SGK3: variants seen among roughly 807,000 people sequenced by gnomAD.
The protein encoded by SGK3 is serine/threonine-protein kinase Sgk3.
SGK3 carries 47 observed loss-of-function variants against 68.5 expected under a neutral mutation model. That is an observed-to-expected ratio of 0.69 (90% CI 0.54 to 0.87). SGK3 has a LOEUF of 0.87. SGK3 is among the 40% of genes least tolerant of loss of function. The pLI, the probability that SGK3 is intolerant of heterozygous loss-of-function variation, is 0.00. For synonymous variants in SGK3, 181 were observed against 189.1 expected (o/e 0.96, Z 0.35); for missense variants, 479 against 575.5 (o/e 0.83, Z 1.72).
chr8:66,767,960 T>C (rs758658220), intron 1 of SGK3: 1 of 893,758 alleles, frequency 1.1e-6, no homozygotes, highest in East Asian at 2.4e-5. Context: ...GCCACAAGGA[T>C]GCCTGGTTCT....
At chr8:66,737,468 A>G (rs185384556) in intron 1 of SGK3, 2 of 151,960 alleles carry the variant, frequency 1.3e-5, no homozygotes, top group Non-Finnish European at 2.9e-5. Flanking sequence ...CCAACATTGA[A>G]CCTCAGGTAT....
intron 16 of SGK3, among the ~76,000 whole-genome samples, chr8:66,856,099 G>T (rs1177391538): frequency 2.7e-5 from 4 of 148,514 alleles, no homozygotes; most frequent in Admixed American, 6.8e-5. Context: ...ATGGAATCTT[G>T]CTCTGTCACC....
chr8:66,716,251 C>T (rs1004568985), intron 1 of SGK3, among the ~76,000 whole-genome samples: 6 of 152,126 alleles, frequency 3.9e-5, no homozygotes, highest in South Asian at 2.1e-4. Context: ...GTGCTACTTC[C>T]GCATCTTGTA....
intron 1 of SGK3, among the ~76,000 whole-genome samples, chr8:66,728,779 G>T (rs1369938641): frequency 6.6e-6 from 1 of 152,102 alleles, no homozygotes; most frequent in Non-Finnish European, 1.5e-5. Context: ...AAATAGCTGG[G>T]TGTGGTGGTG....
chr8:66,767,516 G>T (rs1379691292), intron 1 of SGK3: 2 of 1,512,534 alleles, frequency 1.3e-6, no homozygotes, highest in Admixed American at 3.4e-5. Context: ...AAAGGTGAAG[G>T]GGGGCCCAGC....
At chr8:66,734,234 T>C (rs529038313) in intron 1 of SGK3, among the ~76,000 whole-genome samples, 3,910 of 148,682 alleles carry the variant, frequency 0.026, 160 homozygotes, top group African/African-American at 0.09. Context: ...CTTTCTTTTT[T>C]TTTTTTTTTT....
At chr8:66,802,722 CGAAG>C (rs1266401929) in intron 3 of SGK3, among the ~76,000 whole-genome samples, 25 of 136,906 alleles carry the variant, frequency 1.8e-4, no homozygotes, top group African/African-American at 5.2e-4. Flanking sequence ...GGGGAGGGGG[CGAAG>C]GAAGGAAGGA....
intron 10 of SGK3, among the ~76,000 whole-genome samples, chr8:66,838,492 C>T (rs1267862556): frequency 6.6e-6 from 1 of 152,176 alleles, no homozygotes; most frequent in African/African-American, 2.4e-5. Flanking sequence ...AGAGCCCATT[C>T]TTAAGTGCCA....
chr8:66,747,086 CA>C (rs541508864), intron 1 of SGK3, among the ~76,000 whole-genome samples: 88 of 151,398 alleles, frequency 5.8e-4, no homozygotes, highest in African/African-American at 2.0e-3. Flanking sequence ...TTTTTTTCCC[CA>C]TGGTAATTTT....
chr8:66,734,878 T>C (rs1329477474), intron 1 of SGK3, among the ~76,000 whole-genome samples: 2 of 145,422 alleles, frequency 1.4e-5, no homozygotes, highest in East Asian at 2.0e-4. Context: ...ACCCAGGAGG[T>C]GGAGGTTGCA....
At chr8:66,723,092 T>TATATATATAG (rs1804848146) in intron 1 of SGK3, among the ~76,000 whole-genome samples, 1 of 19,206 alleles carries the variant, frequency 5.2e-5, no homozygotes, top group Non-Finnish European at 9.0e-5. Context: ...ATTTTGTTCA[T>TATATATATAG]ATATATATAT....
intron 1 of SGK3, among the ~76,000 whole-genome samples, chr8:66,768,201 T>A (rs1806387789): frequency 6.6e-6 from 1 of 152,228 alleles, no homozygotes; most frequent in African/African-American, 2.4e-5. Flanking sequence ...ACATTAGATA[T>A]AAACCCACCA....
chr8:66,765,238 G>T (rs910763442), intron 1 of SGK3, among the ~76,000 whole-genome samples: 1 of 152,120 alleles, frequency 6.6e-6, no homozygotes, highest in Admixed American at 6.5e-5. Flanking sequence ...TCACTTTTTT[G>T]ATTATTGCCA....
chr8:66,737,608 C>T (rs1479954872), intron 1 of SGK3: 1 of 152,460 alleles, frequency 6.6e-6, no homozygotes, highest in African/African-American at 2.4e-5. Flanking sequence ...CGGACCCAGA[C>T]CCCTTTATCT....
Position 66,804,418 on chromosome 8 carries a change from A to G in SGK3, c.224A>G (p.Lys75Arg), listed in dbSNP as rs1362430508. Residue 75 changes from lysine (K) to arginine (R), a missense_variant, in exon 4 of 17, where the codon AAG (lysine) becomes AGG (arginine). Transcript: ENST00000521198. ...FPAMALKIPA[K>R]RIFGDNFDPD... ...GCTATGGCCCTGAAGATTCCTGCCA[A>G]GAGAATATTTGGTGATAATTTTGAT... The G allele has an allele frequency of 2.5e-6, 4 of 1,612,562 alleles. No homozygotes were observed. Among genetic ancestry groups the G allele is most frequent in the Non-Finnish European group, 3.4e-6 (4 of 1,179,548 alleles).
chr8:66,843,159 T>A (rs970829619), intron 13 of SGK3, among the ~76,000 whole-genome samples: 3 of 152,176 alleles, frequency 2.0e-5, no homozygotes, highest in African/African-American at 4.8e-5. Context: ...TCCCCACAAA[T>A]ACCTACATCA....
chr8:66,718,890 G>A (rs1804720377), intron 1 of SGK3, among the ~76,000 whole-genome samples: 2 of 151,996 alleles, frequency 1.3e-5, no homozygotes, highest in African/African-American at 4.8e-5. Context: ...TTAGTTTTCC[G>A]AGAAAATGCA....
intron 4 of SGK3, among the ~76,000 whole-genome samples, chr8:66,809,168 T>C (rs1585748211): frequency 6.6e-6 from 1 of 152,296 alleles, no homozygotes; most frequent in Middle Eastern, 3.4e-3. Context: ...TGGCTCATAA[T>C]TTATTTTTTT....
chr8:66,846,464 A>G (rs1045141257), intron 14 of SGK3, among the ~76,000 whole-genome samples: 4 of 152,034 alleles, frequency 2.6e-5, no homozygotes, highest in African/African-American at 9.7e-5. Flanking sequence ...ACTGGCGTAC[A>G]CCACCATGCC....
Sources: allele counts gnomAD v4.1 joint callset (sites outside exome capture counted in the v4.1 genomes callset), GRCh38; gene constraint gnomAD v4.1.1; transcripts MANE v1.5; gene names NCBI Gene and HGNC (gene_info 2026-07-23, HGNC 2026-07-21).